Variants in SH2D4A observed in about 807,000 individuals in gnomAD.
The protein encoded by SH2D4A is SH2 domain containing 4A.
SH2D4A carries 70 observed loss-of-function variants against 64.7 expected under a neutral mutation model. The observed-to-expected ratio is 1.08, with a 90% CI of 0.89 to 1.32. SH2D4A has a LOEUF of 1.32. Among genes scored for constraint, SH2D4A ranks in the 40% most tolerant of loss-of-function variants. The pLI, the probability that SH2D4A is intolerant of heterozygous loss-of-function variation, is 0.00. For missense variants in SH2D4A, 706 were observed against 540.1 expected (o/e 1.31, Z -3.04); for synonymous variants, 268 against 200.7 (o/e 1.34, Z -2.83).
At chr8:19,371,937 C>G (rs192625154) in intron 7 of SH2D4A, among the ~76,000 whole-genome samples, 53 of 152,164 alleles carry the variant, frequency 3.5e-4, no homozygotes, top group Admixed American at 1.0e-3. Flanking sequence ...TGAATTGACT[C>G]TGTTCTTTCT....
rs528350853 is a variant in SH2D4A at position 19,348,133 on chromosome 8, T to C, written c.514-9070T>C. On this transcript the variant is annotated intron_variant, in intron 4 of 9. Transcript: ENST00000265807. ...TTTTTAGAAACAGGATCTTGCTGTG[T>C]CACCCAGGCTGGAGTGCCACGGTGC... 9.8e-5 allele frequency among the ~76,000 whole-genome samples: 15 copies of C among 152,294 alleles called. No individual in the cohort carries two copies. In the South Asian group the frequency reaches 3.1e-3, roughly 32 times the overall value.
chr8:19,386,668 AAGAG>A (rs1210257143), intron 8 of SH2D4A, among the ~76,000 whole-genome samples: 2 of 152,162 alleles, frequency 1.3e-5, no homozygotes, highest in African/African-American at 4.8e-5. Context: ...AGAACCTAAG[AAGAG>A]AGAGTCTGCT....
At chr8:19,390,895 G>A (rs1357103534) in intron 8 of SH2D4A, among the ~76,000 whole-genome samples, 1 of 152,172 alleles carries the variant, frequency 6.6e-6, no homozygotes, top group Non-Finnish European at 1.5e-5. Context: ...CCGAGGTTTG[G>A]TTATAAATTT....
In SH2D4A at chr8:19,314,000, C is replaced by A. The variant is rs375788261; in HGVS notation, c.-205+177C>A. The A allele has an allele frequency of 1.2e-5, 14 of 1,190,332 alleles. No homozygotes were observed. The East Asian group carries it at 2.6e-4, about 23-fold the overall frequency. 73.7% of individuals were successfully genotyped at this position (1,190,332 alleles called of 1,614,324 possible). A position where few individuals can be genotyped will look rare whatever the true frequency, so the allele number is the denominator to read the frequency against. Reference sequence around the variant, plus strand: ...GCGGCGCCCGGGGCGGGCTCAGGTGCGGGGTTGGGCGGCGAGAGCGGCCGC... The same window carrying A: ...GCGGCGCCCGGGGCGGGCTCAGGTGAGGGGTTGGGCGGCGAGAGCGGCCGC... On this transcript the variant is annotated intron_variant, in intron 1 of 9. Transcript: ENST00000265807.
At chr8:19,346,412 C>T (rs1156556151) in intron 4 of SH2D4A, among the ~76,000 whole-genome samples, 1 of 152,226 alleles carries the variant, frequency 6.6e-6, no homozygotes, top group Non-Finnish European at 1.5e-5. Context: ...AGGTTGCATG[C>T]TCCTCATGAG....
intron 2 of SH2D4A, among the ~76,000 whole-genome samples, chr8:19,320,859 A>C (rs1294962239): frequency 6.6e-6 from 1 of 152,180 alleles, no homozygotes; most frequent in Non-Finnish European, 1.5e-5. Flanking sequence ...AAACCAGGAA[A>C]ATAAAATTTT....
intron 7 of SH2D4A, among the ~76,000 whole-genome samples, chr8:19,371,505 T>A (rs1344718601): frequency 6.6e-6 from 1 of 152,174 alleles, no homozygotes. Context: ...CCTCTATTTG[T>A]CTCTGCACTC....
chr8:19,364,527 G>A (rs1287352611), intron 7 of SH2D4A, among the ~76,000 whole-genome samples: 1 of 152,038 alleles, frequency 6.6e-6, no homozygotes, highest in Non-Finnish European at 1.5e-5. Context: ...TAGTAAAGCT[G>A]TGCATGGAAT....
chr8:19,361,942 AATGGGTGAGAAAACTC>A (rs1563201616), intron 6 of SH2D4A, among the ~76,000 whole-genome samples: 1 of 152,190 alleles, frequency 6.6e-6, no homozygotes, highest in African/African-American at 2.4e-5. Flanking sequence ...GAGTGAGCAG[AATGGGTGAGAAAACTC>A]ATAGGAGAAG....
intron 2 of SH2D4A, among the ~76,000 whole-genome samples, chr8:19,331,217 A>G (rs1055380100): frequency 6.6e-5 from 10 of 152,204 alleles, no homozygotes; most frequent in African/African-American, 2.4e-4. Flanking sequence ...CCACAGTACA[A>G]AAGTCAAGAA....
At position 19,357,190 on chromosome 8, in the gene SH2D4A, G is replaced by A. The variant is rs374207052; in HGVS notation, c.514-13G>A. The A allele has an allele frequency of 9.1e-5, 146 of 1,603,766 alleles. No homozygotes were observed. The highest frequency in any genetic ancestry group is 2.2e-4 in the East Asian group (10 of 44,852). ...GCTCCAAATGCCATAAATGTGTTTC[G>A]TTTAATTTTTAGTCACTCTCCAGTT... On this transcript the variant is annotated splice_polypyrimidine_tract_variant and intron_variant, in intron 4 of 9. Transcript: ENST00000265807.
In SH2D4A at chr8:19,380,528, C is replaced by A. The variant is rs145322454; in HGVS notation, c.1048+6868C>A. Among the ~76,000 whole-genome samples, 1,056 of 152,174 alleles carry A rather than the reference C, an allele frequency of 6.9e-3. 9 individuals are homozygous for A. Among genetic ancestry groups the A allele is most frequent in the Non-Finnish European group, 0.01 (698 of 68,020 alleles). ...TAGGTCTTACATTTAAGTCTTTGAT[C>A]CCTTTTGAGTTAATTTTTATATATG... On this transcript the variant is annotated intron_variant, in intron 8 of 9. Transcript: ENST00000265807.
At chr8:19,374,845 G>A (rs561464246) in intron 8 of SH2D4A, among the ~76,000 whole-genome samples, 18 of 152,252 alleles carry the variant, frequency 1.2e-4, no homozygotes, top group African/African-American at 2.4e-4. Flanking sequence ...TGCATTAGCC[G>A]CGGCTGTCTC....
intron 8 of SH2D4A, among the ~76,000 whole-genome samples, chr8:19,374,795 G>A (rs1212264845): frequency 2.0e-5 from 3 of 152,096 alleles, no homozygotes; most frequent in Admixed American, 6.6e-5. Flanking sequence ...AGAGAGAGAT[G>A]ATGGTGTCAA....
At chr8:19,328,838 A>C (rs973545062) in intron 2 of SH2D4A, among the ~76,000 whole-genome samples, 1 of 152,148 alleles carries the variant, frequency 6.6e-6, no homozygotes, top group Non-Finnish European at 1.5e-5. Flanking sequence ...TATAGAAGGA[A>C]CTCAGGCTTG....
intron 8 of SH2D4A, among the ~76,000 whole-genome samples, chr8:19,377,646 A>G (rs1346882919): frequency 6.6e-6 from 1 of 152,076 alleles, no homozygotes; most frequent in African/African-American, 2.4e-5. Flanking sequence ...CATTCATTTT[A>G]CCTATCATGC....
At chr8:19,381,305 C>T (rs938441432) in intron 8 of SH2D4A, among the ~76,000 whole-genome samples, 3 of 152,200 alleles carry the variant, frequency 2.0e-5, no homozygotes. Context: ...CTGCTTCAGC[C>T]TCCCAAAGTT....
Position 19,364,185 on chromosome 8 carries a change from C to T in SH2D4A, c.820C>T (p.Gln274Ter), listed in dbSNP as rs2052945646. Residue 274 changes from glutamine to a stop codon, truncating the protein, a stop_gained, in exon 7 of 10, where the codon CAA becomes TAA. Coordinates refer to ENST00000265807, the MANE Select transcript of SH2D4A (RefSeq NM_022071.4). LOFTEE classifies it high-confidence loss of function. The stretch of plus-strand genomic sequence containing the variant: ...GAAAGGAAGAGGCGGTGAGAGGCTG[C>T]AAAGCCCCTTGCGTGTTCCGCAGAA... ...AQKGRGGERL[Q>*]SPLRVPQKPE... 6.2e-7 allele frequency: 1 copy of T among 1,614,172 alleles called. No individual in the cohort carries two copies. Among genetic ancestry groups the T allele is most frequent in the Non-Finnish European group, 8.5e-7 (1 of 1,180,004 alleles).
At position 19,395,497 on chromosome 8, in the gene SH2D4A, G is replaced by T. The variant is rs773123090; in HGVS notation, c.*855G>T. On this transcript the variant is annotated 3_prime_UTR_variant, in exon 10 of 10. Coordinates refer to ENST00000265807, the MANE Select transcript of SH2D4A (RefSeq NM_022071.4). ...TGAATGGGACCTTGTTTGGAAATAG[G>T]GTCTTTGCAGATATAGTCAAGATGA... 2.6e-5 allele frequency: 4 copies of T among 152,168 alleles called. No homozygotes were observed. Among genetic ancestry groups the T allele is most frequent in the African/African-American group, 9.7e-5 (4 of 41,406 alleles). The allele number at this position is 152,168 out of a possible 1,614,324, so 9.4% of individuals were successfully genotyped here. A position where few individuals can be genotyped will look rare whatever the true frequency, so the allele number is the denominator to read the frequency against.
Sources: gnomAD v4.1 joint callset for allele counts (sites outside exome capture counted in the v4.1 genomes callset) on GRCh38, gnomAD v4.1.1 for gene constraint, MANE v1.5 for transcripts, NCBI Gene and HGNC (gene_info 2026-07-23, HGNC 2026-07-21) for gene names.